The following HADHB variants were observed in gnomAD, a reference collection of about 807,000 sequenced individuals.
HADHB encodes the protein trifunctional enzyme subunit beta, mitochondrial.
In HADHB, 50 loss-of-function variants were observed where a neutral mutation model predicts 61.9. The observed-to-expected ratio is 0.81, with a 90% CI of 0.64 to 1.02. HADHB has a LOEUF of 1.02. Among genes scored for constraint, HADHB ranks in the 50% least tolerant of loss-of-function variants. The pLI, the probability that HADHB is intolerant of heterozygous loss-of-function variation, is 0.00. For missense variants in HADHB, 504 were observed against 586.5 expected (o/e 0.86, Z 1.45); for synonymous variants, 191 against 201.6 (o/e 0.95, Z 0.45).
At chr2:26,283,629 A>G (rs1461346016) in intron 12 of HADHB, among the ~76,000 whole-genome samples, 1 of 152,214 alleles carries the variant, frequency 6.6e-6, no homozygotes, top group Non-Finnish European at 1.5e-5. Flanking sequence ...TTACATATAT[A>G]TATGGACACA....
chr2:26,275,012 A>G (rs1672486947), intron 6 of HADHB, among the ~76,000 whole-genome samples: 1 of 152,172 alleles, frequency 6.6e-6, no homozygotes, highest in African/African-American at 2.4e-5. Flanking sequence ...GATCTCAGCT[A>G]TTGATTGACA....
At chr2:26,282,231 T>A (rs1462704693) in intron 10 of HADHB, among the ~76,000 whole-genome samples, 2 of 151,722 alleles carry the variant, frequency 1.3e-5, no homozygotes, top group African/African-American at 4.8e-5. Flanking sequence ...GTGTTTAGTG[T>A]TTATTATGAG....
chr2:26,275,011 T>C (rs1056134332), intron 6 of HADHB, among the ~76,000 whole-genome samples: 1 of 152,240 alleles, frequency 6.6e-6, no homozygotes, highest in Non-Finnish European at 1.5e-5. Flanking sequence ...AGATCTCAGC[T>C]ATTGATTGAC....
chr2:26,251,837 T>C (rs1343757899), intron 1 of HADHB, among the ~76,000 whole-genome samples: 1 of 152,228 alleles, frequency 6.6e-6, no homozygotes, highest in Non-Finnish European at 1.5e-5. Context: ...ACCTTAAAGC[T>C]TTTGTATTAT....
chr2:26,289,197 C>T lies in HADHB; in HGVS notation c.1390-721C>T, dbSNP rs544637449. ...CCCGGGAGGCGGAGCTTGCAGTGAG[C>T]TGAGATCGCGTCACTGTACTCCAGC... On this transcript the variant is annotated intron_variant, in intron 15 of 15. Coordinates refer to ENST00000317799, the MANE Select transcript of HADHB (RefSeq NM_000183.3). 2.0e-4 allele frequency among the ~76,000 whole-genome samples: 30 copies of T among 152,290 alleles called. 1 individual carries two copies. The South Asian group carries it at 5.8e-3, about 29-fold the overall frequency.
At chr2:26,289,818 C>T in intron 15 of HADHB, 100 bp from the exon 16 acceptor site, 1 of 847,294 alleles carries the variant, frequency 1.2e-6, no homozygotes, top group Non-Finnish European at 2.1e-6. Context: ...GCCAGGATCC[C>T]ACTCCAAAGC....
At chr2:26,270,548 ACT>A (rs1476475476) in intron 5 of HADHB, among the ~76,000 whole-genome samples, 2 of 149,148 alleles carry the variant, frequency 1.3e-5, no homozygotes, top group Non-Finnish European at 3.0e-5. Context: ...GTCCATTCTA[ACT>A]CTATGTTTGT....
In HADHB at chr2:26,279,224, A is replaced by T; in HGVS notation, c.720A>T (p.Glu240Asp). 2 of 1,613,680 alleles carry T rather than the reference A, an allele frequency of 1.2e-6. No individual in the cohort carries two copies. The highest frequency in any genetic ancestry group is 1.7e-6 in the Non-Finnish European group (2 of 1,179,634). ...CTGCCTTTGCTGTTTCTCGGCTGGAACAGGATGAATATGCACTGCGCTCTC... is the reference window on the plus strand; with the variant it reads ...CTGCCTTTGCTGTTTCTCGGCTGGATCAGGATGAATATGCACTGCGCTCTC... ...LAAAFAVSRL[E>D]QDEYALRSHS... The change falls in exon 9 of 16, where the codon GAA (glutamate) becomes GAT (aspartate). Residue 240 changes from glutamate to aspartate, a missense_variant. Coordinates refer to ENST00000317799, the MANE Select transcript of HADHB (RefSeq NM_000183.3).
Position 26,283,029 on chromosome 2 carries a change from C to A in HADHB, c.1039C>A (p.Pro347Thr). ...LRDFMYVSQDPKDQLLLGPTY... is the reference protein window; with the variant it reads ...LRDFMYVSQDTKDQLLLGPTY... ...GGATTTTATGTATGTGTCTCAGGAT[C>A]CAAAAGATCAACTATTACTTGGGTA... The change falls in exon 12 of 16, where the codon CCA becomes ACA. Residue 347 changes from proline (P) to threonine (T), a missense_variant. Coordinates refer to ENST00000317799, the MANE Select transcript of HADHB (RefSeq NM_000183.3). 6.2e-7 allele frequency: 1 copy of A among 1,608,506 alleles called. No individual in the cohort carries two copies. Among genetic ancestry groups the A allele is most frequent in the Non-Finnish European group, 8.5e-7 (1 of 1,174,906 alleles).
chr2:26,267,685 T>C (rs910388929), intron 4 of HADHB, among the ~76,000 whole-genome samples: 16 of 147,900 alleles, frequency 1.1e-4, no homozygotes, highest in African/African-American at 3.8e-4. Context: ...GGCAGGAGAA[T>C]CGATTGAACC....
rs372960160 is a variant in HADHB, at chr2:26,277,229, TG to T, written c.442+70del. On this transcript the variant is annotated intron_variant, in intron 7 of 15. Transcript: ENST00000317799. ...TTTGTCTTTTACTTGATTATAAAAA[TG>T]TACTTTTTTTTTTTTTTTTTTTTTT... is the stretch of plus-strand genomic sequence containing the variant. The T allele has an allele frequency of 1.1e-5, 8 of 704,954 alleles. No individual in the cohort carries two copies. In the African/African-American group the frequency reaches 1.5e-4, roughly 13 times the overall value. The allele number at this position is 704,954 out of a possible 1,614,324, so 43.7% of individuals were successfully genotyped here.
intron 15 of HADHB, 151 bp from the exon 16 acceptor site, chr2:26,289,767 G>A (rs1025323478): frequency 1.4e-6 from 1 of 739,512 alleles, no homozygotes; most frequent in African/African-American, 1.7e-5. Flanking sequence ...AGTTTAGACT[G>A]ACTACAAACT....
intron 3 of HADHB, among the ~76,000 whole-genome samples, chr2:26,256,156 G>A (rs1671598775): frequency 1.3e-5 from 2 of 152,226 alleles, no homozygotes; most frequent in African/African-American, 4.8e-5. Flanking sequence ...TGTCCCACAA[G>A]TAACTTGCAT....
intron 15 of HADHB, among the ~76,000 whole-genome samples, chr2:26,287,919 A>G (rs1328100189): frequency 1.3e-5 from 2 of 152,172 alleles, no homozygotes; most frequent in Admixed American, 6.5e-5. Context: ...GGTGTTGCCA[A>G]ATCTGATCTA....
intron 15 of HADHB, among the ~76,000 whole-genome samples, chr2:26,286,028 A>G (rs1336075827): frequency 1.3e-5 from 2 of 151,762 alleles, no homozygotes; most frequent in African/African-American, 4.8e-5. Flanking sequence ...ATGAGCCACC[A>G]TGCCCTGCCA....
intron 5 of HADHB, among the ~76,000 whole-genome samples, chr2:26,270,848 T>C (rs1026140247): frequency 4.0e-5 from 6 of 151,748 alleles, no homozygotes; most frequent in African/African-American, 1.4e-4. Context: ...TTTTTCTTTT[T>C]CTTCTGTATC....
chr2:26,267,185 C>T (rs1558349723), intron 4 of HADHB, among the ~76,000 whole-genome samples: 2 of 151,940 alleles, frequency 1.3e-5, no homozygotes. Flanking sequence ...AACAAACAAA[C>T]AAATAAATAG....
Position 26,249,664 on chromosome 2 carries a change from C to CAAACA in HADHB, c.-8-4583_-8-4582insAAACA, listed in dbSNP as rs1671323055. On this transcript the variant is annotated intron_variant, in intron 1 of 15. Coordinates refer to ENST00000317799, the MANE Select transcript of HADHB (RefSeq NM_000183.3). ...TCTGCTTGTTTGGTGTTAGCTCTAT[C>CAAACA]TTAGCCTAGCTTTGTTAATGTTTGC... is the stretch of plus-strand genomic sequence containing the variant. Among the ~76,000 whole-genome samples, 3 of 151,916 alleles carry CAAACA rather than the reference C, an allele frequency of 2.0e-5. No individual in the cohort carries two copies. The South Asian group carries it at 6.2e-4, about 32-fold the overall frequency.
rs932629823 is a variant in HADHB at position 26,290,419 on chromosome 2, A to G, written c.*466A>G. 8 of 186,392 alleles carry G rather than the reference A, an allele frequency of 4.3e-5. No individual in the cohort carries two copies. The East Asian group carries it at 8.1e-4, about 19-fold the overall frequency. The allele number at this position is 186,392 out of a possible 1,614,324, so 11.5% of individuals were successfully genotyped here. A position where few individuals can be genotyped will look rare whatever the true frequency, so the allele number is the denominator to read the frequency against. On this transcript the variant is annotated 3_prime_UTR_variant, in exon 16 of 16. Coordinates refer to ENST00000317799, the MANE Select transcript of HADHB (RefSeq NM_000183.3). ...CTGAAAACTTATAAAAAATGTTTAG[A>G]TACATAAATATGGTGGTCAGCGTTA... is the stretch of plus-strand genomic sequence containing the variant.
Sources: gnomAD v4.1 joint callset for allele counts (sites outside exome capture counted in the v4.1 genomes callset) on GRCh38, gnomAD v4.1.1 for gene constraint, MANE v1.5 for transcripts, NCBI Gene and HGNC (gene_info 2026-07-23, HGNC 2026-07-21) for gene names.